The following THSD7B variants were observed in gnomAD, a reference collection of about 807,000 sequenced individuals.
THSD7B encodes the protein thrombospondin type 1 domain containing 7B.
THSD7B carries 138 observed loss-of-function variants against 213.6 expected under a neutral mutation model. The ratio of observed to expected loss-of-function variants is 0.65; its 90% confidence interval spans 0.56 to 0.74. The LOEUF (loss-of-function observed/expected upper bound fraction) is 0.74, where lower values mean the gene tolerates loss of function less well. THSD7B is among the 30% of genes least tolerant of loss of function. The pLI is 0.00. For missense variants in THSD7B, 1,931 were observed against 1,991.5 expected (o/e 0.97, Z 0.58); for synonymous variants, 742 against 687.0 (o/e 1.08, Z -1.25).
At chr2:136,844,544 C>T (rs1453279545) in intron 1 of THSD7B, among the ~76,000 whole-genome samples, 2 of 151,548 alleles carry the variant, frequency 1.3e-5, no homozygotes, top group African/African-American at 4.8e-5. Context: ...TCTCCAACCT[C>T]CTTTCATTGT....
intron 12 of THSD7B, among the ~76,000 whole-genome samples, chr2:137,302,509 A>G (rs939500692): frequency 6.6e-6 from 1 of 152,146 alleles, no homozygotes; most frequent in African/African-American, 2.4e-5. Context: ...GAAGGATTAC[A>G]AGAGCATGCC....
intron 2 of THSD7B, among the ~76,000 whole-genome samples, chr2:136,906,112 T>G (rs1684155555): frequency 6.6e-6 from 1 of 152,200 alleles, no homozygotes; most frequent in Non-Finnish European, 1.5e-5. Flanking sequence ...TCTCATTTTC[T>G]TCCATTTCTT....
chr2:137,164,654 G>T (rs1419739397), intron 6 of THSD7B, among the ~76,000 whole-genome samples: 2 of 152,166 alleles, frequency 1.3e-5, no homozygotes, highest in Non-Finnish European at 2.9e-5. Context: ...TGATAGACTG[G>T]ATTAAGAAAA....
chr2:136,989,694 G>C lies in THSD7B; in HGVS notation c.140-66726G>C, dbSNP rs186470717. Among the ~76,000 whole-genome samples, 120 of 152,342 alleles carry C rather than the reference G, an allele frequency of 7.9e-4. 2 individuals carry two copies. The East Asian group carries it at 0.015, about 19-fold the overall frequency. Reference sequence around the variant, plus strand: ...TGGGGCTGTACTTCAGGAAGAGAGAGAGTGACCCAAGATGAGCTCAGAGAG... The same window carrying C: ...TGGGGCTGTACTTCAGGAAGAGAGACAGTGACCCAAGATGAGCTCAGAGAG... On this transcript the variant is annotated intron_variant, in intron 2 of 27. Coordinates refer to ENST00000409968, the MANE Select transcript of THSD7B (RefSeq NM_001316349.2).
intron 12 of THSD7B, among the ~76,000 whole-genome samples, chr2:137,348,914 G>C (rs1164467959): frequency 1.3e-5 from 2 of 150,782 alleles, no homozygotes; most frequent in African/African-American, 2.4e-5. Flanking sequence ...TTTTCTGGAG[G>C]GTTCAAAAAC....
chr2:137,295,184 T>G (rs1248995482), intron 12 of THSD7B, among the ~76,000 whole-genome samples: 2 of 152,148 alleles, frequency 1.3e-5, no homozygotes, highest in African/African-American at 4.8e-5. Flanking sequence ...CAACAAGCCC[T>G]GTTCCAATTA....
chr2:137,318,966 G>C (rs1412570079), intron 12 of THSD7B, among the ~76,000 whole-genome samples: 1 of 151,392 alleles, frequency 6.6e-6, no homozygotes, highest in Non-Finnish European at 1.5e-5. Context: ...TCTGAAGATT[G>C]AATTGTCTCA....
chr2:136,833,945 G>A (rs1174811873), intron 1 of THSD7B, among the ~76,000 whole-genome samples: 1 of 152,134 alleles, frequency 6.6e-6, no homozygotes, highest in Non-Finnish European at 1.5e-5. Context: ...AATCCCCATA[G>A]ATTTTTTTTG....
chr2:137,009,691 C>T (rs1001245870), intron 2 of THSD7B, among the ~76,000 whole-genome samples: 1 of 152,094 alleles, frequency 6.6e-6, no homozygotes, highest in Non-Finnish European at 1.5e-5. Flanking sequence ...TATGACTTAC[C>T]ATGAGAACAG....
chr2:137,056,685 G>A lies in THSD7B; in HGVS notation c.405G>A (p.Gln135=). The change falls in exon 3 of 28, where the codon CAG becomes CAA. Residue 135 remains glutamine, a synonymous_variant. Transcript: ENST00000409968. ...KPRTAECVTA[Q]HGLQHRMVRC... is the part of the protein sequence containing the mutation. ...GGACTGCAGAGTGTGTGACGGCTCA[G>A]CATGGACTGCAGCACCGGATGGTGC... is the stretch of plus-strand genomic sequence containing the variant. The A allele has an allele frequency of 6.2e-7, 1 of 1,613,990 alleles. No homozygotes were observed. Among genetic ancestry groups the A allele is most frequent in the African/African-American group, 1.3e-5 (1 of 75,036 alleles).
chr2:137,437,749 G>T (rs1443222282), intron 14 of THSD7B, among the ~76,000 whole-genome samples: 1 of 152,126 alleles, frequency 6.6e-6, no homozygotes, highest in Non-Finnish European at 1.5e-5. Flanking sequence ...ATCGATGCCA[G>T]CCTTCAGGCT....
chr2:137,285,417 TTA>T (rs1683146729), intron 12 of THSD7B, among the ~76,000 whole-genome samples: 1 of 152,082 alleles, frequency 6.6e-6, no homozygotes, highest in East Asian at 1.9e-4. Flanking sequence ...GTTAGTATTG[TTA>T]TGTGTGAATT....
At chr2:137,213,905 ACTCT>A (rs1192569939) in intron 7 of THSD7B, among the ~76,000 whole-genome samples, 5 of 151,856 alleles carry the variant, frequency 3.3e-5, no homozygotes, top group South Asian at 2.1e-4. Context: ...TAATGATATG[ACTCT>A]CTATCTTATA....
Position 137,286,510 on chromosome 2 carries a change from G to T in THSD7B, c.2500+10484G>T, listed in dbSNP as rs531696622. 9.2e-5 allele frequency among the ~76,000 whole-genome samples: 14 copies of T among 152,210 alleles called. No homozygotes were observed. In the South Asian group the frequency reaches 2.9e-3, roughly 32 times the overall value. ...CTGGAACATTGGACTTTCATTCTCC[G>T]AATGGAAGACACCATAGTCACTTAA... On this transcript the variant is annotated intron_variant, in intron 12 of 27. Coordinates refer to ENST00000409968, the MANE Select transcript of THSD7B (RefSeq NM_001316349.2).
chr2:137,092,988 C>T (rs932169711), intron 3 of THSD7B, among the ~76,000 whole-genome samples: 4 of 152,230 alleles, frequency 2.6e-5, no homozygotes, highest in Admixed American at 2.6e-4. Context: ...CAAAATCTCT[C>T]TGTCAGTATT....
At chr2:137,067,841 C>G (rs1687409661) in intron 3 of THSD7B, among the ~76,000 whole-genome samples, 1 of 152,034 alleles carries the variant, frequency 6.6e-6, no homozygotes, top group Admixed American at 6.6e-5. Flanking sequence ...CTTTCCCCTG[C>G]TGAAACATGA....
chr2:137,454,349 G>A (rs1300486646), intron 15 of THSD7B, among the ~76,000 whole-genome samples: 3 of 151,922 alleles, frequency 2.0e-5, no homozygotes, highest in Non-Finnish European at 4.4e-5. Flanking sequence ...ATAATATAGT[G>A]AAAAATCCTA....
At chr2:136,846,573 A>T (rs1553452721) in intron 1 of THSD7B, among the ~76,000 whole-genome samples, 1 of 152,200 alleles carries the variant, frequency 6.6e-6, no homozygotes, top group Non-Finnish European at 1.5e-5. Context: ...TTTTATTGAA[A>T]AGCACTCTGT....
At chr2:137,170,999 A>G (rs1455711599) in intron 7 of THSD7B, 61 bp downstream of exon 7, 1 of 1,521,298 alleles carries the variant, frequency 6.6e-7, no homozygotes, top group Middle Eastern at 2.3e-4. Flanking sequence ...ATAACACATG[A>G]CCACCCTTCA....
Sources: gnomAD v4.1 joint callset for allele counts (sites outside exome capture counted in the v4.1 genomes callset) on GRCh38, gnomAD v4.1.1 for gene constraint, MANE v1.5 for transcripts, NCBI Gene and HGNC (gene_info 2026-07-23, HGNC 2026-07-21) for gene names.